The following APBB2 variants were observed in gnomAD, a reference collection of about 807,000 sequenced individuals.
APBB2 encodes amyloid beta precursor protein binding family B member 2.
A neutral mutation model predicts 82.5 loss-of-function variants in APBB2; 38 were observed. That is an observed-to-expected ratio of 0.46 (90% CI 0.36 to 0.60). The LOEUF (loss-of-function observed/expected upper bound fraction) is 0.60, where lower values mean the gene tolerates loss of function less well. Ranked by LOEUF, APBB2 falls within the 20% of genes least tolerant of loss-of-function variation. APBB2 has a pLI of 0.00. For synonymous variants in APBB2, 341 were observed against 368.2 expected, an observed-to-expected ratio of 0.93 and a Z score of 0.85; for missense variants, 772 against 972.3, an observed-to-expected ratio of 0.79 and a Z score of 2.74.
chr4:40,837,478 A>G (rs546664125), intron 12 of APBB2, among the ~76,000 whole-genome samples: 4 of 152,236 alleles, frequency 2.6e-5, no homozygotes, highest in Non-Finnish European at 5.9e-5. Flanking sequence ...AAAACCACAC[A>G]GCTGGCCCAA....
At chr4:40,971,058 A>T (rs1223113158) in intron 6 of APBB2, among the ~76,000 whole-genome samples, 1 of 152,224 alleles carries the variant, frequency 6.6e-6, no homozygotes, top group Non-Finnish European at 1.5e-5. Context: ...TTGTAACCTT[A>T]GAAGTTCCTA....
intron 1 of APBB2, among the ~76,000 whole-genome samples, chr4:41,209,222 C>G (rs1778719130): frequency 6.6e-6 from 1 of 152,220 alleles, no homozygotes; most frequent in Non-Finnish European, 1.5e-5. Flanking sequence ...CAACTCCTCA[C>G]TGACTCACTT....
In APBB2 at chr4:41,082,627, C is replaced by A. The variant is rs377441187; in HGVS notation, c.-148-16954G>T. 2.7e-5 allele frequency among the ~76,000 whole-genome samples: 4 copies of A among 149,740 alleles called. No individual in the cohort carries two copies. In the East Asian group the frequency reaches 5.9e-4, roughly 22 times the overall value. ...CTGCTCTGTCACCCAGGCTGAAGTA[C>A]AATGACACAATCATAGCTCCCTGCA... On this transcript the variant is annotated intron_variant, in intron 3 of 17. Coordinates refer to ENST00000508593, the MANE Select transcript of APBB2 (RefSeq NM_004307.2).
intron 10 of APBB2, among the ~76,000 whole-genome samples, chr4:40,918,312 T>G (rs1236647101): frequency 6.6e-6 from 1 of 152,192 alleles, no homozygotes; most frequent in East Asian, 1.9e-4. Context: ...AAGAACTCCA[T>G]AGGAATGTGA....
At chr4:41,167,370 C>A (rs1250929933) in intron 1 of APBB2, among the ~76,000 whole-genome samples, 1 of 152,164 alleles carries the variant, frequency 6.6e-6, no homozygotes, top group Non-Finnish European at 1.5e-5. Flanking sequence ...TCTAAACATG[C>A]TTTGGTCTTT....
At chr4:40,961,665 T>G (rs1578774851) in intron 6 of APBB2, among the ~76,000 whole-genome samples, 1 of 4,222 alleles carries the variant, frequency 2.4e-4, no homozygotes, top group African/African-American at 8.8e-4. Flanking sequence ...AAAAAAAAGA[T>G]GTAAAAAAAA....
rs770331666 is a variant in APBB2, at chr4:41,172,985, A to C, written c.-416-29843T>G. Among the ~76,000 whole-genome samples, 7 of 152,328 alleles carry C rather than the reference A, an allele frequency of 4.6e-5. No homozygotes were observed. The East Asian group carries it at 1.2e-3, about 25-fold the overall frequency. ...TTTACTCTGAAATAAATCTATACTC[A>C]TCATTAGTACATTTTCACTTCCCTC... is the stretch of plus-strand genomic sequence containing the variant. On this transcript the variant is annotated intron_variant, in intron 1 of 17. Transcript: ENST00000508593.
chr4:41,187,202 T>C (rs1167059314), intron 1 of APBB2, among the ~76,000 whole-genome samples: 1 of 152,176 alleles, frequency 6.6e-6, no homozygotes, highest in Non-Finnish European at 1.5e-5. Flanking sequence ...CAGCAGTCCT[T>C]TACTTGCCAA....
At chr4:40,881,265 G>T (rs1768415443) in intron 12 of APBB2, 1 of 984,914 alleles carries the variant, frequency 1.0e-6, no homozygotes, top group South Asian at 4.7e-5. Flanking sequence ...TTTTCTCCCT[G>T]AGGCAAGACA....
intron 1 of APBB2, among the ~76,000 whole-genome samples, chr4:41,150,091 A>G (rs1237753919): frequency 3.3e-5 from 5 of 152,160 alleles, no homozygotes; most frequent in Admixed American, 2.6e-4. Flanking sequence ...TCATTTTTCA[A>G]CTGTTCCCAG....
At chr4:40,880,339 G>A (rs1466215517) in intron 12 of APBB2, 3 of 985,260 alleles carry the variant, frequency 3.0e-6, no homozygotes, top group Non-Finnish European at 3.6e-6. Context: ...CATAGTCACT[G>A]GACTCCCCAG....
chr4:40,955,858 C>T (rs1791504486), intron 6 of APBB2, among the ~76,000 whole-genome samples: 1 of 152,084 alleles, frequency 6.6e-6, no homozygotes. Context: ...TCAATGCAAC[C>T]TCCACATCCT....
At chr4:41,086,940 AC>A (rs67586813) in intron 3 of APBB2, among the ~76,000 whole-genome samples, 75,245 of 150,804 alleles carry the variant, frequency 0.5, 19,235 homozygotes, top group Non-Finnish European at 0.56. Context: ...ACACACACAC[AC>A]ACACACACAA....
At chr4:40,896,842 G>C (rs1773806586) in intron 10 of APBB2, among the ~76,000 whole-genome samples, 1 of 152,134 alleles carries the variant, frequency 6.6e-6, no homozygotes, top group South Asian at 2.1e-4. Context: ...TGGAAACTGG[G>C]GCTTGGACAG....
rs142734909 is a variant in APBB2, at chr4:41,120,322, T to C, written c.-260-19572A>G. On this transcript the variant is annotated intron_variant, in intron 2 of 17. Transcript: ENST00000508593. ...TATAAACCGACTCAGGCCTAGGACC[T>C]GGCTCACTCACCCAGGTCCCGCTGT... 2.6e-5 allele frequency among the ~76,000 whole-genome samples: 4 copies of C among 152,316 alleles called. No individual in the cohort carries two copies. The East Asian group carries it at 7.7e-4, about 29-fold the overall frequency.
intron 6 of APBB2, among the ~76,000 whole-genome samples, chr4:41,001,846 C>A (rs1805324093): frequency 6.6e-6 from 1 of 151,392 alleles, no homozygotes. Context: ...CCACTGCACT[C>A]CAGCCTGGGT....
At chr4:41,104,434 T>C (rs769853050) in intron 2 of APBB2, among the ~76,000 whole-genome samples, 15 of 152,216 alleles carry the variant, frequency 9.9e-5, no homozygotes, top group Non-Finnish European at 2.2e-4. Context: ...CACTCACCCA[T>C]GCTTGGCTAG....
At chr4:41,181,698 C>A (rs778204732) in intron 1 of APBB2, among the ~76,000 whole-genome samples, 1 of 152,068 alleles carries the variant, frequency 6.6e-6, no homozygotes, top group Non-Finnish European at 1.5e-5. Flanking sequence ...ATAATTCCAG[C>A]ACTTTGGGAG....
chr4:41,163,143 G>A (rs906172983), intron 1 of APBB2, among the ~76,000 whole-genome samples: 2 of 152,236 alleles, frequency 1.3e-5, no homozygotes, highest in Non-Finnish European at 2.9e-5. Context: ...ATGTGACATA[G>A]AGGACAGCTT....
Sources: allele counts gnomAD v4.1 joint callset (sites outside exome capture counted in the v4.1 genomes callset), GRCh38; gene constraint gnomAD v4.1.1; transcripts MANE v1.5; gene names NCBI Gene and HGNC (gene_info 2026-07-23, HGNC 2026-07-21).